ATG2B: variants seen among roughly 807,000 people sequenced by gnomAD.
ATG2B encodes autophagy-related protein 2 homolog B.
In ATG2B, 121 loss-of-function variants were observed where a neutral mutation model predicts 241.3. That is an observed-to-expected ratio of 0.50 (90% confidence interval 0.43 to 0.58). The LOEUF (loss-of-function observed/expected upper bound fraction) is 0.58. ATG2B is among the 20% of genes least tolerant of loss of function. ATG2B has a pLI of 0.00. For synonymous variants in ATG2B, 858 were observed against 876.6 expected (o/e 0.98, Z 0.37); for missense variants, 2,306 against 2,491.6 (o/e 0.93, Z 1.59).
chr14:96,291,960 A>G (rs1248390022), intron 37 of ATG2B, 69 bp downstream of exon 37: 3 of 1,120,760 alleles, frequency 2.7e-6, no homozygotes, highest in Non-Finnish European at 3.9e-6. Flanking sequence ...AGCAAAGTTA[A>G]AAATAAAAAC....
intron 1 of ATG2B, among the ~76,000 whole-genome samples, chr14:96,350,915 T>C (rs1410449067): frequency 6.6e-6 from 1 of 152,224 alleles, no homozygotes; most frequent in African/African-American, 2.4e-5. Flanking sequence ...CCATAGTTCC[T>C]TGTACAATCT....
intron 1 of ATG2B, among the ~76,000 whole-genome samples, chr14:96,355,941 G>A (rs1272858102): frequency 6.6e-6 from 1 of 152,090 alleles, no homozygotes; most frequent in Non-Finnish European, 1.5e-5. Flanking sequence ...AGAGGCAGAG[G>A]CGGGGGAACA....
At chr14:96,328,096 T>G (rs1410500379) in intron 14 of ATG2B, among the ~76,000 whole-genome samples, 2 of 152,202 alleles carry the variant, frequency 1.3e-5, no homozygotes, top group East Asian at 3.8e-4. Context: ...ATTACAGGTG[T>G]GAGCCGCCAC....
At chr14:96,302,199 T>C in intron 33 of ATG2B, 91 bp from the exon 34 acceptor site, 4 of 754,298 alleles carry the variant, frequency 5.3e-6, no homozygotes, top group Non-Finnish European at 8.7e-6. Context: ...AAAATTCCTA[T>C]TCCTATACCA....
rs144323412 is a variant in ATG2B at position 96,305,013 on chromosome 14, G to A, written c.4734-410C>T. Among the ~76,000 whole-genome samples, 411 of 151,770 alleles carry A rather than the reference G, an allele frequency of 2.7e-3. 12 individuals carry two copies. In the East Asian group the frequency reaches 0.037, roughly 14 times the overall value. On this transcript the variant is annotated intron_variant, in intron 31 of 41. Transcript: ENST00000359933. ...GTAAAGTTGGACGTGTTTTAAAGTC[G>A]CTTTTAAGTAGAAAAAGCTGCTGAA...
At chr14:96,307,602 G>C (rs769061592) in intron 29 of ATG2B, among the ~76,000 whole-genome samples, 10 of 152,032 alleles carry the variant, frequency 6.6e-5, no homozygotes, top group Non-Finnish European at 1.2e-4. Flanking sequence ...TATAGGCGGA[G>C]CTCTGGAAGA....
At chr14:96,351,055 CT>C (rs1273010704) in intron 1 of ATG2B, among the ~76,000 whole-genome samples, 2 of 152,150 alleles carry the variant, frequency 1.3e-5, no homozygotes, top group African/African-American at 4.8e-5. Context: ...CCATCTTATA[CT>C]TTTTTTGGCA....
chr14:96,323,596 G>A (rs548987367), intron 16 of ATG2B, among the ~76,000 whole-genome samples: 99 of 152,268 alleles, frequency 6.5e-4, no homozygotes, highest in African/African-American at 2.4e-3. Flanking sequence ...TGAAACTTGT[G>A]CTCTAAACTC....
intron 34 of ATG2B, among the ~76,000 whole-genome samples, chr14:96,301,654 T>A (rs1242683340): frequency 6.6e-6 from 1 of 152,240 alleles, no homozygotes; most frequent in Non-Finnish European, 1.5e-5. Context: ...TTCCAGATGC[T>A]GCAATGAAGA....
chr14:96,317,909 C>A, intron 18 of ATG2B, 54 bp from the exon 19 acceptor site: 6 of 1,248,040 alleles, frequency 4.8e-6, no homozygotes, highest in Admixed American at 2.6e-5. Context: ...CAACAGAAGG[C>A]AAACTTAAAA....
rs1223189834 is a variant in ATG2B, at chr14:96,331,577, G to A, written c.1529C>T (p.Ala510Val). ...CACAGAGATTGAAAAAGTTCCCACA[G>A]CTAGTCTAAAAATAAGTTCAGGCCT... ...ESRPELIFRLAVGTFSISVLH... is the reference protein window; with the variant it reads ...ESRPELIFRLVVGTFSISVLH... Residue 510 changes from alanine (A) to valine (V), a missense_variant, in exon 11 of 42, where the codon GCT becomes GTT. Coordinates refer to ENST00000359933, the MANE Select transcript of ATG2B (RefSeq NM_018036.7). 6.2e-7 allele frequency: 1 copy of A among 1,613,912 alleles called. No homozygotes were observed. Among genetic ancestry groups the A allele is most frequent in the Admixed American group, 1.7e-5 (1 of 60,000 alleles).
chr14:96,315,524 G>A lies in ATG2B; in HGVS notation c.3421C>T (p.His1141Tyr). 6.2e-7 allele frequency: 1 copy of A among 1,614,172 alleles called. No homozygotes were observed. Among genetic ancestry groups the A allele is most frequent in the African/African-American group, 1.3e-5 (1 of 75,058 alleles). The change falls in exon 22 of 42, where the codon CAC (histidine) becomes TAC (tyrosine). Residue 1141 changes from histidine (H) to tyrosine (Y), a missense_variant. This residue lies in a region of ATG2B where 1,927 missense variants were observed against 2,011.2 expected (regional missense o/e 0.96). Transcript: ENST00000359933. Reference protein sequence around the residue: ...ETRLPSSTRPHWLEPTIYSSE... With the variant: ...ETRLPSSTRPYWLEPTIYSSE... ...GAATAAATAGTAGGTTCCAACCAGT[G>A]TGGGCGGGTTGAGCTGGGAAGTCGT... is the stretch of plus-strand genomic sequence containing the variant.
rs1203010395 is a variant in ATG2B, at chr14:96,284,411, G to A, written c.*1344C>T. 2.0e-5 allele frequency: 3 copies of A among 152,130 alleles called. No homozygotes were observed. Among genetic ancestry groups the A allele is most frequent in the Non-Finnish European group, 4.4e-5 (3 of 68,020 alleles). 9.4% of individuals were successfully genotyped at this position (152,130 alleles called of 1,614,324 possible). On this transcript the variant is annotated 3_prime_UTR_variant, in exon 42 of 42. Transcript: ENST00000359933. ...TTCCTGCTTAGAAAATTTAGAGAACGAAATTGATTTAACTACATTTTCCAA... is the reference window on the plus strand; with the variant it reads ...TTCCTGCTTAGAAAATTTAGAGAACAAAATTGATTTAACTACATTTTCCAA...
intron 34 of ATG2B, among the ~76,000 whole-genome samples, chr14:96,300,846 C>T (rs1412591155): frequency 1.3e-5 from 2 of 152,150 alleles, no homozygotes; most frequent in African/African-American, 4.8e-5. Context: ...AAGACAGCGC[C>T]TATTTTTTGT....
intron 7 of ATG2B, 137 bp downstream of exon 7, chr14:96,334,268 T>TA: frequency 1.6e-6 from 1 of 624,226 alleles, no homozygotes; most frequent in Non-Finnish European, 2.8e-6. Flanking sequence ...TTTTACTACT[T>TA]AACATTCTTA....
chr14:96,303,518 A>G (rs1421072742), intron 32 of ATG2B, among the ~76,000 whole-genome samples: 1 of 152,190 alleles, frequency 6.6e-6, no homozygotes, highest in Non-Finnish European at 1.5e-5. Context: ...AAAATATTTC[A>G]GTATTTTGAA....
rs184074264 is a variant in ATG2B, at chr14:96,310,943, G to A, written c.4161+174C>T. On this transcript the variant is annotated intron_variant, in intron 28 of 41. Transcript: ENST00000359933. ...CAAAGAATATCAAAACAGCAGAATGGTTTTCCAAAAAGGCCCATGAAACCA... is the reference window on the plus strand; with the variant it reads ...CAAAGAATATCAAAACAGCAGAATGATTTTCCAAAAAGGCCCATGAAACCA... Among the ~76,000 whole-genome samples the A allele has an allele frequency of 1.4e-3, 209 of 152,236 alleles. 3 individuals carry two copies. Among genetic ancestry groups the A allele is most frequent in the African/African-American group, 4.8e-3 (201 of 41,552 alleles).
chr14:96,356,748 T>A (rs1012338952), intron 1 of ATG2B, among the ~76,000 whole-genome samples: 2 of 152,080 alleles, frequency 1.3e-5, no homozygotes, highest in Admixed American at 6.5e-5. Flanking sequence ...GTTTCTTGAA[T>A]CTGGGGCAGT....
intron 31 of ATG2B, 152 bp from the exon 32 acceptor site, chr14:96,304,755 G>GT (rs1343210728): frequency 3.3e-5 from 19 of 568,434 alleles, no homozygotes; most frequent in Non-Finnish European, 5.5e-5. Flanking sequence ...AACCAAAACC[G>GT]TATCTTCTTT....
Sources: gnomAD v4.1 joint callset for allele counts (sites outside exome capture counted in the v4.1 genomes callset) on GRCh38, gnomAD v4.1.1 for gene constraint, gnomAD v4.1.1 regional missense constraint, MANE v1.5 for transcripts, NCBI Gene and HGNC (gene_info 2026-07-23, HGNC 2026-07-21) for gene names.